ATF7IP2: variants seen among roughly 807,000 people sequenced by gnomAD.
ATF7IP2 encodes the protein activating transcription factor 7-interacting protein 2.
Under a neutral mutation model 64.2 loss-of-function variants are expected in ATF7IP2, and 42 were observed. The observed-to-expected ratio is 0.65, with a 90% confidence interval of 0.51 to 0.85. The LOEUF (loss-of-function observed/expected upper bound fraction) is 0.85. Among genes scored for constraint, ATF7IP2 ranks in the 40% least tolerant of loss-of-function variants. The probability of loss-of-function intolerance (pLI) is 0.00; values close to 1 mark genes in which losing one functional copy is unlikely to be tolerated. For missense variants in ATF7IP2, 933 were observed against 784.2 expected (o/e 1.19, Z -2.27); for synonymous variants, 308 against 272.8 (o/e 1.13, Z -1.27).
chr16:10,452,768 A>G (rs945876347), intron 8 of ATF7IP2, among the ~76,000 whole-genome samples: 1 of 152,072 alleles, frequency 6.6e-6, no homozygotes, highest in Non-Finnish European at 1.5e-5. Context: ...CCTTTTTTTC[A>G]GAGATGCCCT....
chr16:10,425,533 C>T (rs1468095962), intron 3 of ATF7IP2, among the ~76,000 whole-genome samples: 1 of 152,102 alleles, frequency 6.6e-6, no homozygotes, highest in East Asian at 1.9e-4. Flanking sequence ...GGATTAAATT[C>T]TGTTGAAAGA....
chr16:10,400,719 G>T (rs1162276584), intron 1 of ATF7IP2, among the ~76,000 whole-genome samples: 2 of 152,090 alleles, frequency 1.3e-5, no homozygotes, highest in Non-Finnish European at 2.9e-5. Context: ...GTCTTGCTCT[G>T]TTGCCAGGTT....
At chr16:10,477,272 G>A (rs1483561546) in intron 12 of ATF7IP2, among the ~76,000 whole-genome samples, 1 of 152,150 alleles carries the variant, frequency 6.6e-6, no homozygotes, top group Non-Finnish European at 1.5e-5. Flanking sequence ...TAAAAAGTGG[G>A]CAAAAGATTA....
chr16:10,400,913 A>G (rs1567426883), intron 1 of ATF7IP2, among the ~76,000 whole-genome samples: 5 of 151,562 alleles, frequency 3.3e-5, no homozygotes, highest in African/African-American at 1.2e-4. Flanking sequence ...CGAACTCTTA[A>G]CCTCAGGTGA....
chr16:10,466,254 C>T (rs1177872870), intron 9 of ATF7IP2, among the ~76,000 whole-genome samples: 1 of 152,156 alleles, frequency 6.6e-6, no homozygotes, highest in African/African-American at 2.4e-5. Context: ...GAATGTGCTA[C>T]AATTAATCTG....
intron 6 of ATF7IP2, among the ~76,000 whole-genome samples, chr16:10,435,171 T>C (rs988776375): frequency 6.6e-6 from 1 of 152,216 alleles, no homozygotes; most frequent in Non-Finnish European, 1.5e-5. Context: ...ATCTAGATGT[T>C]TACCTTGTTT....
intron 8 of ATF7IP2, chr16:10,449,408 G>C (rs1398717945): frequency 6.6e-6 from 1 of 152,174 alleles, no homozygotes; most frequent in African/African-American, 2.4e-5. Flanking sequence ...TGTACCTCTG[G>C]TAGGATTTGG....
intron 13 of ATF7IP2, among the ~76,000 whole-genome samples, 191 bp from the exon 14 acceptor site, chr16:10,481,645 A>G (rs1445709295): frequency 1.3e-5 from 2 of 152,222 alleles, no homozygotes; most frequent in African/African-American, 4.8e-5. Flanking sequence ...ATTCTGGATT[A>G]TTGATATTCC....
intron 9 of ATF7IP2, among the ~76,000 whole-genome samples, chr16:10,460,761 T>C (rs2049348104): frequency 6.6e-6 from 1 of 152,178 alleles, no homozygotes; most frequent in Non-Finnish European, 1.5e-5. Context: ...TTAGAATATA[T>C]AATGTCTTCA....
rs7201834 is a variant in ATF7IP2, at chr16:10,428,905, A to T, written c.-122A>T. The T allele has an allele frequency of 6.6e-6, 1 of 151,308 alleles. No homozygotes were observed. Among genetic ancestry groups the T allele is most frequent in the African/African-American group, 2.4e-5 (1 of 41,190 alleles). The allele number at this position is 151,308 out of a possible 1,614,324, so 9.4% of individuals were successfully genotyped here. ...TTTTTTTTCTTTGAGACACGGTCTC[A>T]CTCTGTCACCCTTGCTGGAGTGCAG... On this transcript the variant is annotated 5_prime_UTR_variant, in exon 4 of 14. Transcript: ENST00000562102.
intron 8 of ATF7IP2, among the ~76,000 whole-genome samples, chr16:10,456,646 C>G (rs898925005): frequency 6.6e-6 from 1 of 152,194 alleles, no homozygotes; most frequent in Non-Finnish European, 1.5e-5. Flanking sequence ...GTGGGAAATT[C>G]AGGAAAAGTT....
At chr16:10,449,542 A>G (rs2048918643) in intron 8 of ATF7IP2, 1 of 152,108 alleles carries the variant, frequency 6.6e-6, no homozygotes, top group South Asian at 2.1e-4. Flanking sequence ...GGGAGGGTGT[A>G]TGTGTCCAGG....
intron 8 of ATF7IP2, among the ~76,000 whole-genome samples, chr16:10,455,340 G>A (rs1235468428): frequency 1.3e-5 from 2 of 152,210 alleles, no homozygotes; most frequent in East Asian, 1.9e-4. Context: ...GGAAGCAGAG[G>A]CTGGAATGAA....
intron 12 of ATF7IP2, among the ~76,000 whole-genome samples, chr16:10,475,845 T>G (rs1192142699): frequency 6.6e-6 from 1 of 151,934 alleles, no homozygotes; most frequent in Non-Finnish European, 1.5e-5. Flanking sequence ...AACACTCCAT[T>G]GAAAAGCATT....
chr16:10,418,568 C>G (rs919150514), intron 2 of ATF7IP2, among the ~76,000 whole-genome samples: 51 of 152,316 alleles, frequency 3.3e-4, no homozygotes, highest in African/African-American at 1.2e-3. Flanking sequence ...CACAGAGCCT[C>G]CAAGTGTTTT....
intron 9 of ATF7IP2, among the ~76,000 whole-genome samples, chr16:10,460,681 T>C (rs73497886): frequency 0.012 from 1,855 of 152,258 alleles, 44 homozygotes; most frequent in African/African-American, 0.042. Context: ...TTGGACTCCT[T>C]TGTAAAGCTA....
At chr16:10,424,345 A>G (rs13337263) in intron 3 of ATF7IP2, among the ~76,000 whole-genome samples, 119,251 of 152,114 alleles carry the variant, frequency 0.78, 47,405 homozygotes, top group African/African-American at 0.91. Context: ...ACAGACCCCT[A>G]TCTCTCACCA....
At chr16:10,434,961 G>A (rs1422703784) in intron 6 of ATF7IP2, among the ~76,000 whole-genome samples, 1 of 152,188 alleles carries the variant, frequency 6.6e-6, no homozygotes, top group African/African-American at 2.4e-5. Flanking sequence ...AGTAGAGACA[G>A]ATTTTACCAT....
At chr16:10,438,528 C>G (rs534675976) in intron 7 of ATF7IP2, among the ~76,000 whole-genome samples, 1 of 151,884 alleles carries the variant, frequency 6.6e-6, no homozygotes, top group Non-Finnish European at 1.5e-5. Context: ...GCTGGGACTA[C>G]AGGCGTGCGT....
Sources: allele counts gnomAD v4.1 joint callset (sites outside exome capture counted in the v4.1 genomes callset), GRCh38; gene constraint gnomAD v4.1.1; transcripts MANE v1.5; gene names NCBI Gene and HGNC (gene_info 2026-07-23, HGNC 2026-07-21).